Variants in DIP2C observed in about 807,000 individuals in gnomAD.
DIP2C encodes the protein DIP2 acetate--CoA ligase C (putative), also known as disco-interacting protein 2 homolog C.
Under a neutral mutation model 192.4 loss-of-function variants are expected in DIP2C, and 33 were observed. The ratio of observed to expected loss-of-function variants is 0.17; its 90% confidence interval spans 0.13 to 0.23. The LOEUF (loss-of-function observed/expected upper bound fraction) is 0.23, where lower values mean the gene tolerates loss of function less well. DIP2C is among the 10% of genes least tolerant of loss of function. The probability of loss-of-function intolerance (pLI) is 1.00; values close to 1 mark genes in which losing one functional copy is unlikely to be tolerated. For synonymous variants in DIP2C, 979 were observed against 864.1 expected (o/e 1.13, Z -2.33); for missense variants, 1,537 against 2,110.1 (o/e 0.73, Z 5.32).
intron 10 of DIP2C, among the ~76,000 whole-genome samples, chr10:397,904 T>C (rs577482552): frequency 3.3e-4 from 50 of 152,274 alleles, no homozygotes; most frequent in Non-Finnish European, 3.1e-4. Context: ...GGGTCGGACA[T>C]GCCCCCCTTA....
intron 1 of DIP2C, among the ~76,000 whole-genome samples, chr10:572,254 G>A (rs1190295720): frequency 1.3e-5 from 2 of 152,292 alleles, no homozygotes; most frequent in East Asian, 1.9e-4. Context: ...TTGCTAACAC[G>A]CCCCAAACAT....
chr10:446,101 C>G (rs1371107837), intron 3 of DIP2C, among the ~76,000 whole-genome samples: 1 of 151,828 alleles, frequency 6.6e-6, no homozygotes, highest in Admixed American at 6.6e-5. Context: ...CAAAGAGTCT[C>G]ATGGTCCACT....
At chr10:441,700 C>G (rs1039973463) in intron 3 of DIP2C, among the ~76,000 whole-genome samples, 1 of 152,200 alleles carries the variant, frequency 6.6e-6, no homozygotes, top group East Asian at 1.9e-4. Flanking sequence ...CCCAGCCATG[C>G]GGAACTGCAA....
Position 577,425 on chromosome 10 carries a change from C to A in DIP2C, c.86-90895G>T, listed in dbSNP as rs1009375551. On this transcript the variant is annotated intron_variant, in intron 1 of 36. Transcript: ENST00000280886. ...CTATGTGGCCGTAACAGTTTGCACA[C>A]CTGTTGTGTGTACTTTCTCATGCTA... 3.9e-5 allele frequency among the ~76,000 whole-genome samples: 6 copies of A among 152,226 alleles called. No individual in the cohort carries two copies. The South Asian group carries it at 1.2e-3, about 31-fold the overall frequency.
Position 310,027 on chromosome 10 carries a change from G to C in DIP2C, c.3986+4C>G. On this transcript the variant is annotated splice_donor_region_variant and intron_variant, in intron 32 of 36. Coordinates refer to ENST00000280886, the MANE Select transcript of DIP2C (RefSeq NM_014974.3). ...AAAAGAAAAAACCCAGAAGTGTACA[G>C]TACCTGTCGTGTCTCAGGGCTCTCA... is the stretch of plus-strand genomic sequence containing the variant. The C allele has an allele frequency of 6.2e-7, 1 of 1,614,140 alleles. No homozygotes were observed.
At chr10:488,919 G>A (rs975123146) in intron 1 of DIP2C, among the ~76,000 whole-genome samples, 8 of 152,322 alleles carry the variant, frequency 5.3e-5, no homozygotes, top group Non-Finnish European at 1.0e-4. Context: ...AGACGTCTGT[G>A]CCTGACGCAG....
chr10:330,650 G>GTTTTT (rs566210340), intron 29 of DIP2C, among the ~76,000 whole-genome samples: 15 of 141,414 alleles, frequency 1.1e-4, no homozygotes, highest in African/African-American at 3.9e-4. Flanking sequence ...CACCATGCTT[G>GTTTTT]TTTTTTTTTT....
At chr10:568,636 C>T (rs1449976455) in intron 1 of DIP2C, among the ~76,000 whole-genome samples, 8 of 151,602 alleles carry the variant, frequency 5.3e-5, no homozygotes, top group Non-Finnish European at 8.8e-5. Context: ...CATGGTGGCA[C>T]GCGCCTGTAG....
At chr10:616,238 C>G (rs939599852) in intron 1 of DIP2C, among the ~76,000 whole-genome samples, 1 of 152,186 alleles carries the variant, frequency 6.6e-6, no homozygotes, top group African/African-American at 2.4e-5. Flanking sequence ...GGACCGCAAT[C>G]CGATACAAAA....
chr10:606,814 C>T (rs988675653), intron 1 of DIP2C, among the ~76,000 whole-genome samples: 3 of 150,734 alleles, frequency 2.0e-5, no homozygotes, highest in East Asian at 3.9e-4. Flanking sequence ...TACACACGCA[C>T]ATCTGACATC....
chr10:547,996 G>A (rs983943560), intron 1 of DIP2C, among the ~76,000 whole-genome samples: 2 of 152,150 alleles, frequency 1.3e-5, no homozygotes, highest in Admixed American at 1.3e-4. Flanking sequence ...ATTGTGTGAA[G>A]CCTTTTTCAG....
At position 636,852 on chromosome 10, in the gene DIP2C, C is replaced by T. The variant is rs1205732151; in HGVS notation, c.85+52642G>A. 8.5e-5 allele frequency among the ~76,000 whole-genome samples: 13 copies of T among 152,224 alleles called. No individual in the cohort carries two copies. The highest frequency in any genetic ancestry group is 1.5e-4 in the Non-Finnish European group (10 of 68,042). On this transcript the variant is annotated intron_variant, in intron 1 of 36. Coordinates refer to ENST00000280886, the MANE Select transcript of DIP2C (RefSeq NM_014974.3). The surrounding 1 kb of genome is among the most constrained non-coding windows in gnomAD (Gnocchi z 4.6). ...AAGTTTCAGTCTCGAGGCGCAATCA[C>T]CTTCCGTCATACACTTCTCAGCAGC...
rs1589824701 is a variant in DIP2C, at chr10:450,574, G to T, written c.269-9578C>A. Reference sequence around the variant, plus strand: ...AGAGAATTCTTCTGAAAGGCCACTGGGACACACACTTTGTTGGTGATCAGC... The same window carrying T: ...AGAGAATTCTTCTGAAAGGCCACTGTGACACACACTTTGTTGGTGATCAGC... On this transcript the variant is annotated intron_variant, in intron 3 of 36. Transcript: ENST00000280886. Among the ~76,000 whole-genome samples the T allele has an allele frequency of 3.3e-5, 5 of 152,228 alleles. No individual in the cohort carries two copies. In the South Asian group the frequency reaches 1.0e-3, roughly 32 times the overall value.
At chr10:312,223 C>T (rs1352756281) in intron 31 of DIP2C, among the ~76,000 whole-genome samples, 13 of 152,202 alleles carry the variant, frequency 8.5e-5, no homozygotes, top group South Asian at 2.1e-4. Flanking sequence ...TTCTCCTCCT[C>T]GTCATCCATG....
intron 32 of DIP2C, among the ~76,000 whole-genome samples, chr10:303,793 G>A (rs182191455): frequency 0.011 from 1,632 of 152,298 alleles, 20 homozygotes; most frequent in Non-Finnish European, 0.016. Flanking sequence ...AAAGTGCTGG[G>A]ATTATAGGCA....
At chr10:417,382 A>G (rs1346282140) in intron 6 of DIP2C, among the ~76,000 whole-genome samples, 1 of 152,260 alleles carries the variant, frequency 6.6e-6, no homozygotes, top group Non-Finnish European at 1.5e-5. Flanking sequence ...TTGAAAGACG[A>G]CAAAGTTACT....
chr10:341,140 G>A, intron 29 of DIP2C, 59 bp downstream of exon 29: 1 of 1,610,996 alleles, frequency 6.2e-7, no homozygotes, highest in Non-Finnish European at 8.5e-7. Flanking sequence ...CTGGGTCTAA[G>A]GTCTGGAGAG....
At chr10:364,825 C>A (rs1589616269) in intron 19 of DIP2C, 1 of 625,948 alleles carries the variant, frequency 1.6e-6, no homozygotes, top group Non-Finnish European at 2.9e-6. Flanking sequence ...CTGCTGGAGC[C>A]TCCTGCCTCT....
At chr10:598,109 G>T (rs1401351247) in intron 1 of DIP2C, among the ~76,000 whole-genome samples, 1 of 152,224 alleles carries the variant, frequency 6.6e-6, no homozygotes, top group Non-Finnish European at 1.5e-5. Context: ...CAAGGCTGAT[G>T]GATCACGGCC....
Sources: allele counts gnomAD v4.1 joint callset (sites outside exome capture counted in the v4.1 genomes callset), GRCh38; gene constraint gnomAD v4.1.1; non-coding constraint Gnocchi (gnomAD v3.1); transcripts MANE v1.5; gene names NCBI Gene and HGNC (gene_info 2026-07-23, HGNC 2026-07-21).